The following UVRAG variants were observed in gnomAD, a reference collection of about 807,000 sequenced individuals.
UVRAG encodes the protein UV radiation resistance-associated gene protein.
Under a neutral mutation model 78.0 loss-of-function variants are expected in UVRAG, and 19 were observed. The ratio of observed to expected loss-of-function variants is 0.24; its 90% CI spans 0.17 to 0.36. The LOEUF (loss-of-function observed/expected upper bound fraction) is 0.36. Among genes scored for constraint, UVRAG ranks in the 10% least tolerant of loss-of-function variants. UVRAG has a pLI of 1.00. For missense variants in UVRAG, 740 were observed against 853.8 expected, an observed-to-expected ratio of 0.87 and a Z score of 1.66; for synonymous variants, 323 against 324.6, an observed-to-expected ratio of 1.00 and a Z score of 0.05.
At chr11:75,929,163 T>A (rs1591029275) in intron 6 of UVRAG, among the ~76,000 whole-genome samples, 1 of 152,292 alleles carries the variant, frequency 6.6e-6, no homozygotes, top group South Asian at 2.1e-4. Flanking sequence ...AGTATCCATA[T>A]GAATCGTGGA....
intron 3 of UVRAG, among the ~76,000 whole-genome samples, chr11:75,872,721 G>T (rs530392903): frequency 6.6e-6 from 1 of 152,108 alleles, no homozygotes; most frequent in Non-Finnish European, 1.5e-5. Context: ...GTCAGATATT[G>T]ACTTTGTCTT....
At position 75,952,244 on chromosome 11, in the gene UVRAG, C is replaced by T. The variant is rs561174583; in HGVS notation, c.594-9200C>T. Among the ~76,000 whole-genome samples, 13 of 152,206 alleles carry T rather than the reference C, an allele frequency of 8.5e-5. No homozygotes were observed. In the South Asian group the frequency reaches 1.2e-3, roughly 15 times the overall value. On this transcript the variant is annotated intron_variant, in intron 6 of 14. Transcript: ENST00000356136. ...CACCTTTAAGTAGATTTGCTTCTTC[C>T]TTTCCTATACCTATGGCTTTTATTT...
At chr11:75,937,386 A>G in intron 6 of UVRAG, among the ~76,000 whole-genome samples, 1 of 152,158 alleles carries the variant, frequency 6.6e-6, no homozygotes, top group Non-Finnish European at 1.5e-5. Flanking sequence ...TTCGTCTGGT[A>G]TCATTTTCCT....
At chr11:76,045,604 A>C (rs993860118) in intron 12 of UVRAG, among the ~76,000 whole-genome samples, 22 of 152,156 alleles carry the variant, frequency 1.4e-4, no homozygotes, top group African/African-American at 5.3e-4. Context: ...GATGATATAA[A>C]AATGAACATT....
chr11:76,034,032 T>C (rs566331748), intron 12 of UVRAG, among the ~76,000 whole-genome samples: 2 of 152,342 alleles, frequency 1.3e-5, no homozygotes, highest in East Asian at 3.9e-4. Context: ...CCTACAAATA[T>C]TTATTATGTC....
At chr11:76,095,784 T>C (rs1311116498) in intron 13 of UVRAG, among the ~76,000 whole-genome samples, 1 of 150,816 alleles carries the variant, frequency 6.6e-6, no homozygotes, top group Non-Finnish European at 1.5e-5. Flanking sequence ...GGTGGCAAGA[T>C]TGCTTGAGCC....
chr11:75,900,572 A>G (rs746179814), intron 5 of UVRAG, among the ~76,000 whole-genome samples: 26 of 152,136 alleles, frequency 1.7e-4, no homozygotes, highest in Admixed American at 5.9e-4. Context: ...ATATTTTTCC[A>G]TGAGTGAATG....
chr11:75,823,289 G>C (rs1945439820), intron 1 of UVRAG, among the ~76,000 whole-genome samples: 1 of 152,172 alleles, frequency 6.6e-6, no homozygotes, highest in Admixed American at 6.6e-5. Flanking sequence ...GTAGTCTTTG[G>C]AAGGAAGTCA....
chr11:75,895,139 A>G (rs760995530), intron 5 of UVRAG, among the ~76,000 whole-genome samples: 2 of 152,238 alleles, frequency 1.3e-5, no homozygotes, highest in Non-Finnish European at 2.9e-5. Flanking sequence ...GACAGAGCAC[A>G]TTTTAAAGCA....
At chr11:75,862,713 A>G (rs573632096) in intron 3 of UVRAG, among the ~76,000 whole-genome samples, 6 of 152,174 alleles carry the variant, frequency 3.9e-5, no homozygotes, top group Admixed American at 6.5e-5. Context: ...TTCCCCAGTC[A>G]TGCTTTTTCA....
At chr11:76,110,104 A>G (rs562085565) in intron 13 of UVRAG, among the ~76,000 whole-genome samples, 2 of 151,870 alleles carry the variant, frequency 1.3e-5, no homozygotes, top group East Asian at 1.9e-4. Context: ...TCTGCCCCCC[A>G]TTCTTAGTAG....
intron 2 of UVRAG, among the ~76,000 whole-genome samples, 170 bp downstream of exon 2, chr11:75,852,170 A>G (rs1311240047): frequency 2.0e-5 from 3 of 152,228 alleles, no homozygotes; most frequent in African/African-American, 7.2e-5. Flanking sequence ...GAAAGATGGC[A>G]GTTGGATAGT....
chr11:76,092,301 T>C (rs1591228009), intron 13 of UVRAG, among the ~76,000 whole-genome samples: 1 of 152,200 alleles, frequency 6.6e-6, no homozygotes, highest in South Asian at 2.1e-4. Context: ...TAAACATACA[T>C]GTGCATGTGC....
chr11:75,903,208 T>G (rs555424888), intron 5 of UVRAG, among the ~76,000 whole-genome samples: 55 of 152,284 alleles, frequency 3.6e-4, no homozygotes, highest in African/African-American at 1.3e-3. Flanking sequence ...AGTAGCCTCC[T>G]ATCGGGTAGT....
At chr11:75,850,076 G>T (rs915140026) in intron 1 of UVRAG, among the ~76,000 whole-genome samples, 2 of 132,098 alleles carry the variant, frequency 1.5e-5, no homozygotes, top group South Asian at 2.2e-4. Flanking sequence ...ATTGGTTGCA[G>T]AAAGCAGCCA....
intron 1 of UVRAG, among the ~76,000 whole-genome samples, chr11:75,830,245 A>G (rs1169845992): frequency 2.0e-5 from 3 of 151,844 alleles, no homozygotes; most frequent in African/African-American, 7.2e-5. Context: ...ATATCTTTGA[A>G]TATGGTTTTG....
chr11:76,052,933 T>A (rs2134354059), intron 12 of UVRAG, among the ~76,000 whole-genome samples: 1 of 150,098 alleles, frequency 6.7e-6, no homozygotes, highest in South Asian at 2.1e-4. Flanking sequence ...TATACTTTGT[T>A]TATATTATAG....
intron 6 of UVRAG, among the ~76,000 whole-genome samples, chr11:75,931,096 T>G (rs756362353): frequency 4.6e-5 from 7 of 152,092 alleles, no homozygotes; most frequent in Non-Finnish European, 8.8e-5. Context: ...ATGTTGATGT[T>G]CATTTTATGT....
At chr11:75,816,666 C>T (rs1040858300) in intron 1 of UVRAG, among the ~76,000 whole-genome samples, 1 of 152,248 alleles carries the variant, frequency 6.6e-6, no homozygotes, top group African/African-American at 2.4e-5. Flanking sequence ...TCTGACTCTG[C>T]AGCCATGCAC....
Sources: allele counts gnomAD v4.1 joint callset (sites outside exome capture counted in the v4.1 genomes callset), GRCh38; gene constraint gnomAD v4.1.1; transcripts MANE v1.5; gene names NCBI Gene and HGNC (gene_info 2026-07-23, HGNC 2026-07-21).